CALN1: variants seen among roughly 807,000 people sequenced by gnomAD.
The protein encoded by CALN1 is calneuron 1.
In CALN1, 17 loss-of-function variants were observed where a neutral mutation model predicts 30.6. The ratio of observed to expected loss-of-function variants is 0.56; its 90% CI spans 0.38 to 0.83. CALN1 has a LOEUF of 0.83. Among genes scored for constraint, CALN1 ranks in the 40% least tolerant of loss-of-function variants. CALN1 has a pLI of 0.00. For missense variants in CALN1, 291 were observed against 354.9 expected (o/e 0.82, Z 1.45); for synonymous variants, 156 against 131.4 (o/e 1.19, Z -1.28).
chr7:72,054,422 TATATATA>T (rs1803057885), intron 4 of CALN1, among the ~76,000 whole-genome samples: 1 of 83,856 alleles, frequency 1.2e-5, no homozygotes, highest in Non-Finnish European at 2.2e-5. Context: ...TATATACGTG[TATATATA>T]CACGTATATA....
chr7:72,451,255 AGGAG>A (rs1458496615), upstream of CALN1, among the ~76,000 whole-genome samples: 2 of 146,668 alleles, frequency 1.4e-5, no homozygotes, highest in Non-Finnish European at 3.0e-5. Context: ...GAGGAGGAAG[AGGAG>A]GAGGAGGAGA....
chr7:71,923,818 C>G (rs757820103), intron 5 of CALN1, among the ~76,000 whole-genome samples: 2 of 152,208 alleles, frequency 1.3e-5, no homozygotes, highest in Non-Finnish European at 2.9e-5. Flanking sequence ...CTGTGGCCCC[C>G]ACTAACATTT....
intron 2 of CALN1, among the ~76,000 whole-genome samples, chr7:72,374,560 A>AG (rs1178167019): frequency 1.3e-5 from 2 of 151,130 alleles, no homozygotes; most frequent in Non-Finnish European, 3.0e-5. Context: ...AAAAAAAAGA[A>AG]AAAAAAAACA....
intron 2 of CALN1, among the ~76,000 whole-genome samples, chr7:72,368,698 T>C (rs564697960): frequency 6.6e-6 from 1 of 151,714 alleles, no homozygotes; most frequent in Admixed American, 6.6e-5. Flanking sequence ...AAAGAACTCA[T>C]GAATTTACAC....
intron 2 of CALN1, among the ~76,000 whole-genome samples, chr7:72,322,389 C>G (rs1374533602): frequency 6.6e-6 from 1 of 152,198 alleles, no homozygotes; most frequent in South Asian, 2.1e-4. Context: ...CACCGCTCAC[C>G]TCCTTCTGGG....
chr7:72,311,778 T>A (rs867322704), intron 2 of CALN1, among the ~76,000 whole-genome samples: 4 of 148,312 alleles, frequency 2.7e-5, no homozygotes, highest in South Asian at 2.1e-4. Flanking sequence ...ATTACAGGCG[T>A]GAGCCACCAC....
At chr7:72,360,186 T>A (rs571684843) in intron 2 of CALN1, among the ~76,000 whole-genome samples, 1 of 152,264 alleles carries the variant, frequency 6.6e-6, no homozygotes, top group Non-Finnish European at 1.5e-5. Context: ...CCATTTACTT[T>A]ATTAGTGTTA....
In CALN1 at chr7:72,209,208, C is replaced by CTTT. The variant is rs1464454383; in HGVS notation, c.244+69477_244+69478insAAA. Among the ~76,000 whole-genome samples, 38 of 92,656 alleles carry CTTT rather than the reference C, an allele frequency of 4.1e-4. 1 individual carries two copies. The highest frequency in any genetic ancestry group is 1.7e-3 in the African/African-American group (37 of 21,460). 60.8% of individuals were successfully genotyped at this position (92,656 alleles called of 152,430 possible). ...TCCCTCTTTCCTTCCCTCCTTCCCT[C>CTTT]CTTCCTTCCCTCCTTCCCTCTTTCC... On this transcript the variant is annotated intron_variant, in intron 3 of 6. Transcript: ENST00000395275.
chr7:72,269,652 C>T lies in CALN1; in HGVS notation c.244+9034G>A, dbSNP rs939689112. On this transcript the variant is annotated intron_variant, in intron 3 of 6. Coordinates refer to ENST00000395275, the MANE Select transcript of CALN1 (RefSeq NM_031468.4). The stretch of plus-strand genomic sequence containing the variant: ...TTTGCCCCCCAACAGAGCGTAAAAA[C>T]GAACCTACACAAATTTAAGGTGGTC... Among the ~76,000 whole-genome samples the T allele has an allele frequency of 3.9e-5, 6 of 152,256 alleles. No individual in the cohort carries two copies. The East Asian group carries it at 9.7e-4, about 25-fold the overall frequency.
At chr7:72,169,070 T>G (rs1788751601) in intron 3 of CALN1, among the ~76,000 whole-genome samples, 1 of 151,970 alleles carries the variant, frequency 6.6e-6, no homozygotes, top group African/African-American at 2.4e-5. Flanking sequence ...CCTCCCAAAG[T>G]GCTGGGACTT....
At chr7:72,175,335 A>G (rs764475493) in intron 3 of CALN1, among the ~76,000 whole-genome samples, 16 of 152,090 alleles carry the variant, frequency 1.1e-4, no homozygotes, top group Non-Finnish European at 2.2e-4. Context: ...GGCCTCCCAA[A>G]GTGTTGGGAT....
At chr7:72,231,370 G>A (rs529485682) in intron 3 of CALN1, among the ~76,000 whole-genome samples, 1 of 152,298 alleles carries the variant, frequency 6.6e-6, no homozygotes, top group Non-Finnish European at 1.5e-5. Context: ...ACTTACAAGT[G>A]AGAACATGCA....
At chr7:71,910,340 A>C (rs1794363284) in intron 5 of CALN1, among the ~76,000 whole-genome samples, 1 of 152,194 alleles carries the variant, frequency 6.6e-6, no homozygotes, top group South Asian at 2.1e-4. Flanking sequence ...CCCAAGTTTC[A>C]TTAGCCAAAT....
At chr7:72,150,952 C>A (rs541863528) in intron 3 of CALN1, among the ~76,000 whole-genome samples, 1 of 152,210 alleles carries the variant, frequency 6.6e-6, no homozygotes, top group South Asian at 2.1e-4. Flanking sequence ...AGGCTGTTCA[C>A]AATGACAAAA....
chr7:72,230,624 A>T (rs1449149649), intron 3 of CALN1, among the ~76,000 whole-genome samples: 1 of 152,158 alleles, frequency 6.6e-6, no homozygotes, highest in Admixed American at 6.6e-5. Flanking sequence ...GAATGCAGGC[A>T]GACTCTATAG....
At chr7:72,209,149 C>T (rs148209895) in intron 3 of CALN1, among the ~76,000 whole-genome samples, 2 of 139,152 alleles carry the variant, frequency 1.4e-5, no homozygotes, top group African/African-American at 5.5e-5. Context: ...TTCATTCCTT[C>T]CCCCCTTCTC....
intron 5 of CALN1, among the ~76,000 whole-genome samples, chr7:71,971,438 G>T (rs890813214): frequency 6.6e-6 from 1 of 152,070 alleles, no homozygotes; most frequent in African/African-American, 2.4e-5. Context: ...CAACAAGAGC[G>T]AAACTCTGCC....
intron 5 of CALN1, chr7:71,942,305 A>G: frequency 5.2e-6 from 1 of 191,496 alleles, no homozygotes; most frequent in Non-Finnish European, 1.2e-5. Flanking sequence ...AGGGTCACCG[A>G]GGTCCTGGGC....
chr7:71,946,479 T>C (rs186235884), intron 5 of CALN1, among the ~76,000 whole-genome samples: 37 of 151,634 alleles, frequency 2.4e-4, no homozygotes, highest in Admixed American at 2.2e-3. Flanking sequence ...GTGATCCTCC[T>C]GCCTCAGCCT....
Sources: allele counts gnomAD v4.1 joint callset (sites outside exome capture counted in the v4.1 genomes callset), GRCh38; gene constraint gnomAD v4.1.1; transcripts MANE v1.5; gene names NCBI Gene and HGNC (gene_info 2026-07-23, HGNC 2026-07-21).